NUMA1: variants seen among roughly 807,000 people sequenced by gnomAD.
NUMA1 encodes the protein nuclear mitotic apparatus protein 1, also known as SP-H antigen.
Under a neutral mutation model 237.1 loss-of-function variants are expected in NUMA1, and 62 were observed. The ratio of observed to expected loss-of-function variants is 0.26; its 90% CI spans 0.21 to 0.32. The LOEUF is 0.32. Ranked by LOEUF, NUMA1 falls within the 10% of genes least tolerant of loss-of-function variation. NUMA1 has a pLI of 1.00. For synonymous variants in NUMA1, 1,028 were observed against 1,066.1 expected, an observed-to-expected ratio of 0.96 and a Z score of 0.70; for missense variants, 2,533 against 2,666.5, an observed-to-expected ratio of 0.95 and a Z score of 1.10.
intron 2 of NUMA1, among the ~76,000 whole-genome samples, chr11:72,047,583 C>A (rs932975972): frequency 1.3e-5 from 2 of 152,174 alleles, no homozygotes; most frequent in Non-Finnish European, 2.9e-5. Context: ...TAGCCTGGCA[C>A]TCAAGGCCCT....
intron 6 of NUMA1, 112 bp downstream of exon 6, chr11:72,022,953 G>T: frequency 1.3e-6 from 1 of 747,206 alleles, no homozygotes; most frequent in Non-Finnish European, 2.3e-6. Flanking sequence ...TAGAGCCCCA[G>T]AAATAAAGCA....
intron 2 of NUMA1, among the ~76,000 whole-genome samples, chr11:72,054,692 C>T (rs1330416023): frequency 2.0e-5 from 3 of 152,122 alleles, no homozygotes; most frequent in African/African-American, 4.8e-5. Flanking sequence ...AAATCTAAAC[C>T]GTCTTGCTAT....
intron 23 of NUMA1, 24 bp from the exon 24 acceptor site, chr11:72,004,840 A>C (rs750857978): frequency 1.3e-6 from 2 of 1,547,046 alleles, no homozygotes; most frequent in Non-Finnish European, 1.7e-6. Context: ...AGAGGTGGTC[A>C]GTGGACCATA....
Position 72,004,679 on chromosome 11 carries a change from C to A in NUMA1, c.5967G>T (p.Arg1989=), listed in dbSNP as rs1171638262. ...GGCCCTGGTGGGGCTCTAGGGAGAC[C>A]CGTTTGCGCTGCTGCCGGGTGGTGA... ...TGITTRQQRK[R]VSLEPHQGPG... The change falls in exon 24 of 27, where the codon CGG becomes CGT. Residue 1989 remains arginine, a synonymous_variant. Coordinates refer to ENST00000393695, the MANE Select transcript of NUMA1 (RefSeq NM_006185.4). 1 of 1,613,448 alleles carries A rather than the reference C, an allele frequency of 6.2e-7. No individual in the cohort carries two copies. Among genetic ancestry groups the A allele is most frequent in the African/African-American group, 1.3e-5 (1 of 75,022 alleles).
chr11:72,008,575 T>C (rs566492480), intron 20 of NUMA1, 113 bp downstream of exon 20: 1 of 1,277,886 alleles, frequency 7.8e-7, no homozygotes, highest in Non-Finnish European at 1.1e-6. Flanking sequence ...CGTTTTTCGT[T>C]ATTCTTCTCT....
intron 15 of NUMA1, 50 bp downstream of exon 15, chr11:72,012,845 G>C: frequency 6.3e-7 from 1 of 1,585,416 alleles, no homozygotes; most frequent in Non-Finnish European, 8.6e-7. Flanking sequence ...CGATGTCCCC[G>C]CGCTCTCAGC....
chr11:72,068,083 C>A (rs1404165650), intron 2 of NUMA1: 1 of 152,356 alleles, frequency 6.6e-6, no homozygotes, highest in East Asian at 1.9e-4. Flanking sequence ...AGCTACCAAA[C>A]CATCTGCTTC....
rs763129278 is a variant in NUMA1 at position 72,013,323 on chromosome 11, C to T, written c.4180G>A (p.Gly1394Arg). ...ELEQSKQAAG[G>R]LRAELLRAQR... The stretch of plus-strand genomic sequence containing the variant: ...GCCCGCAGCAGCTCTGCCCGCAGTC[C>T]CCCAGCGGCCTGCTTGCTCTGCTCC... The change falls in exon 15 of 27, where the codon GGA becomes AGA. Residue 1394 changes from glycine to arginine, a missense_variant. Physicochemically the swap from Gly to Arg is moderately radical, Grantham distance 125. This residue lies in a region of NUMA1 where 324 missense variants were observed against 407.6 expected (regional missense o/e 0.79). Coordinates refer to ENST00000393695, the MANE Select transcript of NUMA1 (RefSeq NM_006185.4). The surrounding 1 kb of genome is among the most constrained non-coding windows in gnomAD (Gnocchi z 6.8). The T allele has an allele frequency of 1.7e-5, 28 of 1,606,068 alleles. No homozygotes were observed. In the Admixed American group the frequency reaches 4.5e-4, roughly 26 times the overall value.
chr11:72,080,406 C>A (rs1944069222), intron 1 of NUMA1, 52 bp downstream of exon 1: 1 of 152,174 alleles, frequency 6.6e-6, no homozygotes, highest in African/African-American at 2.4e-5. Context: ...TAGGCCTGAG[C>A]ACCCGCAGGG....
At chr11:72,054,852 T>G (rs1186520787) in intron 2 of NUMA1, among the ~76,000 whole-genome samples, 1 of 151,894 alleles carries the variant, frequency 6.6e-6, no homozygotes, top group Admixed American at 6.6e-5. Flanking sequence ...TTCAGAAGAG[T>G]GTCTATGAGA....
intron 5 of NUMA1, among the ~76,000 whole-genome samples, chr11:72,023,506 T>TAA (rs1939169613): frequency 6.6e-6 from 1 of 152,030 alleles, no homozygotes; most frequent in Non-Finnish European, 1.5e-5. Flanking sequence ...GGTCACAGAG[T>TAA]AAACCTATAG....
chr11:72,021,382 C>A, intron 7 of NUMA1, 91 bp from the exon 8 acceptor site: 1 of 1,147,100 alleles, frequency 8.7e-7, no homozygotes, highest in Non-Finnish European at 1.3e-6. Flanking sequence ...TGCCAGTCCC[C>A]GGCTCCCTCA....
intron 7 of NUMA1, chr11:72,022,065 C>A (rs924377051): frequency 1.7e-5 from 5 of 293,500 alleles, no homozygotes; most frequent in Non-Finnish European, 3.2e-5. Context: ...TACGTATTAT[C>A]CTAAAACACA....
intron 17 of NUMA1, 51 bp downstream of exon 17, chr11:72,010,735 T>C (rs1047599590): frequency 1.3e-6 from 2 of 1,551,934 alleles, no homozygotes; most frequent in East Asian, 2.3e-5. Context: ...GCTTAGAGAA[T>C]AGCTTCCCTC....
In NUMA1 at chr11:72,073,920, G is replaced by A. The variant is rs1395558763; in HGVS notation, c.-102-4009C>T. Among the ~76,000 whole-genome samples, 9 of 152,242 alleles carry A rather than the reference G, an allele frequency of 5.9e-5. No individual in the cohort carries two copies. In the South Asian group the frequency reaches 8.3e-4, roughly 14 times the overall value. On this transcript the variant is annotated intron_variant, in intron 1 of 26. Transcript: ENST00000393695. The stretch of plus-strand genomic sequence containing the variant: ...AGAAGTAGCTTCCGAGGCTGGCTGC[G>A]GTGGATCAGGCCTGTAATCCCAGCA...
chr11:72,039,655 C>CT (rs1368744454), intron 2 of NUMA1: 3 of 152,292 alleles, frequency 2.0e-5, no homozygotes, highest in African/African-American at 7.2e-5. Context: ...TTCCAAAGGC[C>CT]TACAGCCTCA....
At chr11:72,046,530 G>T (rs1202500564) in intron 2 of NUMA1, among the ~76,000 whole-genome samples, 3 of 151,442 alleles carry the variant, frequency 2.0e-5, no homozygotes, top group Non-Finnish European at 4.4e-5. Flanking sequence ...GGTAACAAGG[G>T]TGAAACTCCA....
Position 72,013,361 on chromosome 11 carries a change from T to C in NUMA1, c.4142A>G (p.His1381Arg), listed in dbSNP as rs778770497. 2.5e-6 allele frequency: 4 copies of C among 1,609,848 alleles called. No homozygotes were observed. Among genetic ancestry groups the C allele is most frequent in the South Asian group, 1.1e-5 (1 of 91,044 alleles). Residue 1381 changes from histidine to arginine, a missense_variant, in exon 15 of 27, where the codon CAC becomes CGC. Physicochemically the swap from His to Arg is conservative, Grantham distance 29. Coordinates refer to ENST00000393695, the MANE Select transcript of NUMA1 (RefSeq NM_006185.4). This position sits in a 1 kb window ranked among gnomAD's most constrained non-coding sequence, Gnocchi z 6.8. ...QAEQAAAEKR[H>R]REELEQSKQA... The stretch of plus-strand genomic sequence containing the variant: ...CTTGCTCTGCTCCAGCTCCTCACGG[T>C]GGCGTTTCTCGGCAGCGGCCTGCTC...
Position 72,035,902 on chromosome 11 carries a change from C to G in NUMA1, c.42G>C (p.Trp14Cys). The G allele has an allele frequency of 6.2e-7, 1 of 1,613,930 alleles. No individual in the cohort carries two copies. Among genetic ancestry groups the G allele is most frequent in the East Asian group, 2.2e-5 (1 of 44,890 alleles). ...HATRGAALLS[W>C]VNSLHVADPV... is the part of the protein sequence containing the mutation. Reference sequence around the variant, plus strand: ...AACAAAAGAGAGGAAGACTACTTACCCAAGAGAGGAGTGCAGCCCCCCGGG... The same window carrying G: ...AACAAAAGAGAGGAAGACTACTTACGCAAGAGAGGAGTGCAGCCCCCCGGG... Residue 14 changes from tryptophan to cysteine, a missense_variant and splice_region_variant, in exon 3 of 27, where the codon TGG becomes TGC. This residue lies in a region of NUMA1 where 1,414 missense variants were observed against 1,508.1 expected (regional missense o/e 0.94). Transcript: ENST00000393695.
Sources: gnomAD v4.1 joint callset for allele counts (sites outside exome capture counted in the v4.1 genomes callset) on GRCh38, gnomAD v4.1.1 for gene constraint, gnomAD v4.1.1 regional missense constraint, Gnocchi (gnomAD v3.1) non-coding constraint, MANE v1.5 for transcripts, NCBI Gene and HGNC (gene_info 2026-07-23, HGNC 2026-07-21) for gene names.